Variants in PTER observed in about 807,000 individuals in gnomAD.
The protein encoded by PTER is N-acetyltaurine hydrolase.
Under a neutral mutation model 29.6 loss-of-function variants are expected in PTER, and 38 were observed. The ratio of observed to expected loss-of-function variants is 1.28; its 90% CI spans 0.99 to 1.68. The LOEUF is 1.68. Among genes scored for constraint, PTER ranks in the 40% most tolerant of loss-of-function variants. The probability of loss-of-function intolerance (pLI) is 0.00; values close to 1 mark genes in which losing one functional copy is unlikely to be tolerated. For missense variants in PTER, 482 were observed against 427.8 expected, an observed-to-expected ratio of 1.13 and a Z score of -1.12; for synonymous variants, 172 against 154.5, an observed-to-expected ratio of 1.11 and a Z score of -0.84.
At chr10:16,463,895 C>G (rs1235938955) in intron 1 of PTER, among the ~76,000 whole-genome samples, 1 of 152,166 alleles carries the variant, frequency 6.6e-6, no homozygotes, top group East Asian at 1.9e-4. Flanking sequence ...AGCTCATCAT[C>G]CTTGTCTCAA....
intron 1 of PTER, among the ~76,000 whole-genome samples, chr10:16,446,210 C>T (rs2133364248): frequency 6.8e-6 from 1 of 147,380 alleles, no homozygotes; most frequent in South Asian, 2.3e-4. Flanking sequence ...CACGCCACCC[C>T]ACCCCCAACA....
At chr10:16,492,411 G>A (rs928252150) in intron 3 of PTER, among the ~76,000 whole-genome samples, 8 of 152,092 alleles carry the variant, frequency 5.3e-5, no homozygotes, top group African/African-American at 1.4e-4. Context: ...TCCAGGTGAC[G>A]TGTAATGATA....
chr10:16,476,901 C>CTCTCTCTCTTTTT (rs1214090481), intron 1 of PTER, among the ~76,000 whole-genome samples: 5 of 100,370 alleles, frequency 5.0e-5, no homozygotes, highest in African/African-American at 2.2e-4. Context: ...TCCTAGAATT[C>CTCTCTCTCTTTTT]TTTTTTTTTT....
At chr10:16,467,056 AT>A (rs1834862385) in intron 1 of PTER, among the ~76,000 whole-genome samples, 1 of 152,034 alleles carries the variant, frequency 6.6e-6, no homozygotes, top group Admixed American at 6.6e-5. Flanking sequence ...ACTTGCTGTT[AT>A]TTTTTTATAT....
chr10:16,476,693 T>C (rs748232919), intron 1 of PTER, among the ~76,000 whole-genome samples: 43 of 151,760 alleles, frequency 2.8e-4, no homozygotes, highest in Non-Finnish European at 5.4e-4. Context: ...CACCTCAGCC[T>C]CCAGAGTAGC....
chr10:16,440,567 G>C (rs1833813029), intron 1 of PTER, among the ~76,000 whole-genome samples: 1 of 152,170 alleles, frequency 6.6e-6, no homozygotes. Flanking sequence ...CCATTTCCCT[G>C]TCTCCTTCCA....
intron 3 of PTER, among the ~76,000 whole-genome samples, chr10:16,487,989 A>G (rs1835766099): frequency 6.6e-6 from 1 of 152,220 alleles, no homozygotes; most frequent in African/African-American, 2.4e-5. Flanking sequence ...CAAGAAAAAA[A>G]AAATTCTTTT....
intron 1 of PTER, among the ~76,000 whole-genome samples, chr10:16,474,717 C>G (rs1835193724): frequency 6.6e-6 from 1 of 152,052 alleles, no homozygotes. Context: ...GAAACTCCGT[C>G]TCCGCTAAAA....
chr10:16,477,167 G>T (rs934914666), intron 1 of PTER, among the ~76,000 whole-genome samples: 1 of 152,088 alleles, frequency 6.6e-6, no homozygotes, highest in African/African-American at 2.4e-5. Context: ...GCCTCCCAGA[G>T]TGCTGGGATT....
chr10:16,502,110 G>A (rs1047430977), intron 3 of PTER, among the ~76,000 whole-genome samples: 3 of 152,172 alleles, frequency 2.0e-5, no homozygotes, highest in African/African-American at 7.2e-5. Context: ...TTATTCTCAA[G>A]GCATTGGGCC....
At chr10:16,486,255 G>T in intron 2 of PTER, 97 bp from the exon 3 acceptor site, 2 of 1,301,702 alleles carry the variant, frequency 1.5e-6, no homozygotes, top group Non-Finnish European at 2.1e-6. Flanking sequence ...TTAAAAGAAT[G>T]AATGACAAAA....
At chr10:16,465,352 A>G (rs1039791299) in intron 1 of PTER, among the ~76,000 whole-genome samples, 1 of 152,198 alleles carries the variant, frequency 6.6e-6, no homozygotes, top group Non-Finnish European at 1.5e-5. Flanking sequence ...AAGTTAGTAG[A>G]TCCTCAGGAA....
intron 1 of PTER, among the ~76,000 whole-genome samples, chr10:16,469,829 C>T (rs1428254962): frequency 1.3e-5 from 2 of 152,050 alleles, no homozygotes; most frequent in Non-Finnish European, 2.9e-5. Flanking sequence ...CCTCCTGCCT[C>T]AGCCTCCCAA....
chr10:16,464,476 T>G (rs888745457), intron 1 of PTER, among the ~76,000 whole-genome samples: 5 of 152,226 alleles, frequency 3.3e-5, no homozygotes, highest in Non-Finnish European at 5.9e-5. Flanking sequence ...TTTAGGCTTG[T>G]GTTTCCTGAC....
chr10:16,487,129 A>G (rs1042190228), intron 3 of PTER, among the ~76,000 whole-genome samples: 5 of 152,232 alleles, frequency 3.3e-5, no homozygotes, highest in Admixed American at 2.6e-4. Context: ...ATTATAAAAA[A>G]TAATAGTAAT....
chr10:16,516,857 G>A (rs1034871281), downstream of PTER, among the ~76,000 whole-genome samples: 2 of 152,174 alleles, frequency 1.3e-5, no homozygotes, highest in Admixed American at 6.5e-5. Context: ...TCAAGCCAGT[G>A]TGGTTGCTTT....
rs538869480 is a variant in PTER, at chr10:16,508,852, A to G, written c.840-2194A>G. ...TGTGCTCCAGTACCCACTGTCTTGC[A>G]CACTTGATTTTCATCATGCATGAAA... On this transcript the variant is annotated intron_variant, in intron 4 of 4. Coordinates refer to ENST00000535784, the MANE Select transcript of PTER (RefSeq NM_001261836.2). 5.3e-5 allele frequency among the ~76,000 whole-genome samples: 8 copies of G among 152,236 alleles called. No individual in the cohort carries two copies. In the South Asian group the frequency reaches 1.7e-3, roughly 32 times the overall value.
chr10:16,483,720 C>G (rs1398649201), intron 1 of PTER, among the ~76,000 whole-genome samples: 1 of 152,074 alleles, frequency 6.6e-6, no homozygotes, highest in Non-Finnish European at 1.5e-5. Context: ...GTGACACATG[C>G]GTGTAGTCCC....
intron 1 of PTER, among the ~76,000 whole-genome samples, chr10:16,446,851 C>T (rs1268414452): frequency 6.6e-6 from 1 of 151,940 alleles, no homozygotes; most frequent in African/African-American, 2.4e-5. Context: ...TGCATTGGTG[C>T]AATCTCGGCT....
Sources: gnomAD v4.1 joint callset for allele counts (sites outside exome capture counted in the v4.1 genomes callset) on GRCh38, gnomAD v4.1.1 for gene constraint, MANE v1.5 for transcripts, NCBI Gene and HGNC (gene_info 2026-07-23, HGNC 2026-07-21) for gene names.